The following PCDH9 variants were observed in gnomAD, a reference collection of about 807,000 sequenced individuals.
PCDH9 encodes protocadherin 9, also known as protocadherin-9.
Under a neutral mutation model 70.6 loss-of-function variants are expected in PCDH9, and 24 were observed. That is an observed-to-expected ratio of 0.34 (90% CI 0.25 to 0.48). PCDH9 has a LOEUF of 0.48. PCDH9 is among the 20% of genes least tolerant of loss of function. PCDH9 has a pLI of 0.99. For synonymous variants in PCDH9, 562 were observed against 558.5 expected (o/e 1.01, Z -0.09); for missense variants, 1,281 against 1,503.6 (o/e 0.85, Z 2.45).
At chr13:66,975,826 G>T (rs1294073314) in intron 2 of PCDH9, among the ~76,000 whole-genome samples, 3 of 151,912 alleles carry the variant, frequency 2.0e-5, no homozygotes, top group Admixed American at 6.6e-5. Context: ...ATGGTAAGAG[G>T]CAATATATTT....
chr13:67,146,946 C>T (rs945684915), intron 2 of PCDH9, among the ~76,000 whole-genome samples: 8 of 152,006 alleles, frequency 5.3e-5, no homozygotes, highest in Non-Finnish European at 1.5e-5. Flanking sequence ...AACTGTGATT[C>T]CGGCTTCCTT....
At chr13:66,936,292 G>A (rs2082914976) in intron 2 of PCDH9, among the ~76,000 whole-genome samples, 1 of 152,106 alleles carries the variant, frequency 6.6e-6, no homozygotes, top group Non-Finnish European at 1.5e-5. Flanking sequence ...CTTTTCAGTT[G>A]TAACCATTTT....
chr13:66,920,526 C>T (rs992176327), intron 2 of PCDH9, among the ~76,000 whole-genome samples: 5 of 150,980 alleles, frequency 3.3e-5, no homozygotes, highest in African/African-American at 1.2e-4. Context: ...ACCTTCCCCA[C>T]CAGAGTGAAT....
chr13:66,909,242 G>A (rs188492169), intron 2 of PCDH9, among the ~76,000 whole-genome samples: 1 of 151,734 alleles, frequency 6.6e-6, no homozygotes, highest in East Asian at 1.9e-4. Flanking sequence ...ATTTTACCAA[G>A]GAGTTGAAAG....
chr13:66,599,590 A>G (rs1179146202), intron 4 of PCDH9, among the ~76,000 whole-genome samples: 1 of 151,340 alleles, frequency 6.6e-6, no homozygotes, highest in Non-Finnish European at 1.5e-5. Flanking sequence ...TCTCTCACCC[A>G]GGCTAGAGTG....
chr13:66,537,933 A>G (rs1960777380), intron 4 of PCDH9, among the ~76,000 whole-genome samples: 1 of 151,946 alleles, frequency 6.6e-6, no homozygotes, highest in South Asian at 2.1e-4. Context: ...TGTTCCTGGG[A>G]AAAAATCAGT....
At chr13:66,476,377 A>G (rs1018185115) in intron 4 of PCDH9, among the ~76,000 whole-genome samples, 1 of 152,116 alleles carries the variant, frequency 6.6e-6, no homozygotes, top group African/African-American at 2.4e-5. Flanking sequence ...TTACATAGAG[A>G]TAGATAAAAG....
chr13:66,824,303 GTATATATA>G (rs60742942), intron 3 of PCDH9, among the ~76,000 whole-genome samples: 1,908 of 127,874 alleles, frequency 0.015, 15 homozygotes, highest in Non-Finnish European at 0.019. Context: ...TTGTTTGAAA[GTATATATA>G]TATATATATA....
chr13:66,579,496 G>A (rs1184328982), intron 4 of PCDH9, among the ~76,000 whole-genome samples: 1 of 152,038 alleles, frequency 6.6e-6, no homozygotes, highest in Non-Finnish European at 1.5e-5. Flanking sequence ...TCCAATGGTA[G>A]AAAAATGGAT....
At chr13:66,397,444 GTGTGTGTGTGTGTATATATATA>G (rs1421008788) in intron 4 of PCDH9, among the ~76,000 whole-genome samples, 1 of 107,108 alleles carries the variant, frequency 9.3e-6, no homozygotes, top group East Asian at 2.7e-4. Context: ...ATACATATAT[GTGTGTGTGTGTGTATATATATA>G]TGTGTGTGTG....
At chr13:66,617,531 T>C (rs890964357) in intron 4 of PCDH9, among the ~76,000 whole-genome samples, 5 of 152,300 alleles carry the variant, frequency 3.3e-5, no homozygotes, top group Non-Finnish European at 7.4e-5. Context: ...AAAGAGTTAA[T>C]TTCCCAAACC....
Position 67,228,259 on chromosome 13 carries a change from C to G in PCDH9, c.182G>C (p.Ser61Thr). 6.2e-7 allele frequency: 1 copy of G among 1,613,642 alleles called. No individual in the cohort carries two copies. Among genetic ancestry groups the G allele is most frequent in the African/African-American group, 1.3e-5 (1 of 75,038 alleles). Residue 61 changes from serine (S) to threonine (T), a missense_variant, in exon 2 of 5, where the codon AGC becomes ACC. Ser to Thr is a moderately conservative substitution (Grantham distance 58, BLOSUM62 1). Coordinates refer to ENST00000377865, the MANE Select transcript of PCDH9 (RefSeq NM_203487.3). ...TTTAGAAACCAGTCTGTAGACAAGG[C>G]TGGCGCTGGTCCCTGTGGCAGCATT... The part of the protein sequence containing the change: ...HINAATGTSA[S>T]LVYRLVSKAG...
intron 3 of PCDH9, among the ~76,000 whole-genome samples, chr13:66,802,375 T>C (rs2139342600): frequency 6.6e-6 from 1 of 152,204 alleles, no homozygotes; most frequent in East Asian, 1.9e-4. Context: ...AACAATTTCA[T>C]TGATAAACAC....
intron 3 of PCDH9, among the ~76,000 whole-genome samples, chr13:66,891,409 C>T (rs1177928579): frequency 2.0e-5 from 3 of 152,020 alleles, no homozygotes; most frequent in East Asian, 3.9e-4. Flanking sequence ...AAACCAACCA[C>T]CACTTTAGAA....
At chr13:67,171,402 A>G (rs947564057) in intron 2 of PCDH9, among the ~76,000 whole-genome samples, 35 of 152,282 alleles carry the variant, frequency 2.3e-4, no homozygotes, top group African/African-American at 7.9e-4. Context: ...ACTGTCACCA[A>G]TCATTAACCC....
intron 2 of PCDH9, among the ~76,000 whole-genome samples, chr13:67,081,745 C>T (rs563529748): frequency 2.2e-4 from 33 of 152,298 alleles, no homozygotes; most frequent in Admixed American, 1.9e-3. Flanking sequence ...TGTTAAAATC[C>T]TGTCCTACCT....
intron 4 of PCDH9, among the ~76,000 whole-genome samples, chr13:66,553,060 C>G (rs1485939056): frequency 6.6e-6 from 1 of 152,148 alleles, no homozygotes; most frequent in African/African-American, 2.4e-5. Context: ...TCAATTACCT[C>G]TCACCTGGCC....
At chr13:67,063,631 A>C (rs895169279) in intron 2 of PCDH9, among the ~76,000 whole-genome samples, 11 of 151,964 alleles carry the variant, frequency 7.2e-5, no homozygotes, top group Admixed American at 1.3e-4. Context: ...CATGCTTTTT[A>C]ATTCGTTGCT....
At chr13:66,382,837 C>A (rs949466321) in intron 4 of PCDH9, among the ~76,000 whole-genome samples, 4 of 152,100 alleles carry the variant, frequency 2.6e-5, no homozygotes, top group African/African-American at 9.7e-5. Flanking sequence ...TCAAGACTAG[C>A]CTGGCCAACA....
Sources: gnomAD v4.1 joint callset for allele counts (sites outside exome capture counted in the v4.1 genomes callset) on GRCh38, gnomAD v4.1.1 for gene constraint, MANE v1.5 for transcripts, NCBI Gene and HGNC (gene_info 2026-07-23, HGNC 2026-07-21) for gene names.